Variants in SNX29 observed in about 807,000 individuals in gnomAD.
The protein encoded by SNX29 is sorting nexin-29.
SNX29 carries 78 observed loss-of-function variants against 102.1 expected under a neutral mutation model. That is an observed-to-expected ratio of 0.76 (90% CI 0.64 to 0.92). The LOEUF is 0.92. Ranked by LOEUF, SNX29 falls within the 40% of genes least tolerant of loss-of-function variation. The probability of loss-of-function intolerance (pLI) is 0.00; values close to 1 mark genes in which losing one functional copy is unlikely to be tolerated. For synonymous variants in SNX29, 580 were observed against 414.5 expected (o/e 1.40, Z -4.85); for missense variants, 1,280 against 1,061.7 (o/e 1.21, Z -2.86).
In SNX29 at chr16:12,236,020, ACT is replaced by A. The variant is rs370949667; in HGVS notation, c.1678+36342_1678+36343del. Among the ~76,000 whole-genome samples, 29 of 151,582 alleles carry A rather than the reference ACT, an allele frequency of 1.9e-4. No homozygotes were observed. In the East Asian group the frequency reaches 4.7e-3, roughly 24 times the overall value. On this transcript the variant is annotated intron_variant, in intron 14 of 20. Transcript: ENST00000566228. Reference sequence around the variant, plus strand: ...GGGGACGGAATAAATGTTATTTAAAACTCTCTGTTTCCTTCCTGTCCTCTCTG... The same window carrying A: ...GGGGACGGAATAAATGTTATTTAAAACTCTGTTTCCTTCCTGTCCTCTCTG...
intron 18 of SNX29, among the ~76,000 whole-genome samples, chr16:12,405,904 C>T (rs1249898596): frequency 3.3e-5 from 5 of 151,938 alleles, no homozygotes; most frequent in East Asian, 1.9e-4. Context: ...TGGTGGTGGG[C>T]GCCTGTAATC....
intron 20 of SNX29, among the ~76,000 whole-genome samples, chr16:12,538,607 C>T (rs538299851): frequency 2.0e-5 from 3 of 152,208 alleles, no homozygotes; most frequent in South Asian, 2.1e-4. Flanking sequence ...TAGGTGGATG[C>T]AGGAGGGCCT....
At chr16:12,533,006 C>G (rs892770711) in intron 20 of SNX29, among the ~76,000 whole-genome samples, 2 of 152,224 alleles carry the variant, frequency 1.3e-5, no homozygotes, top group African/African-American at 4.8e-5. Context: ...AGCCCCTCGT[C>G]TGTGGGGAGA....
intron 18 of SNX29, 41 bp from the exon 19 acceptor site, chr16:12,477,678 T>A: frequency 3.8e-6 from 6 of 1,597,818 alleles, no homozygotes; most frequent in Non-Finnish European, 5.1e-6. Context: ...TCCTTTATAA[T>A]AAGGGTTTAA....
intron 14 of SNX29, among the ~76,000 whole-genome samples, chr16:12,215,258 G>A (rs2077290458): frequency 6.6e-6 from 1 of 151,776 alleles, no homozygotes; most frequent in South Asian, 2.1e-4. Context: ...ACTTTGAGAG[G>A]CTGAGGTAGG....
intron 19 of SNX29, among the ~76,000 whole-genome samples, chr16:12,487,323 C>G (rs899706956): frequency 6.6e-6 from 1 of 152,180 alleles, no homozygotes; most frequent in African/African-American, 2.4e-5. Context: ...CGCCGAAAAC[C>G]TCAAAGCCAG....
At chr16:12,040,591 G>C (rs1023255519) in intron 4 of SNX29, among the ~76,000 whole-genome samples, 45 of 152,126 alleles carry the variant, frequency 3.0e-4, no homozygotes, top group African/African-American at 9.7e-4. Context: ...AACTAGGAAT[G>C]AGGACAATTA....
intron 4 of SNX29, among the ~76,000 whole-genome samples, chr16:12,041,813 A>G (rs1365770757): frequency 1.3e-5 from 2 of 152,230 alleles, no homozygotes; most frequent in African/African-American, 4.8e-5. Flanking sequence ...CTTTTACTAT[A>G]TAAGGTAATA....
chr16:12,506,945 C>G (rs566933405), intron 19 of SNX29, among the ~76,000 whole-genome samples: 3 of 152,302 alleles, frequency 2.0e-5, no homozygotes, highest in South Asian at 4.1e-4. Context: ...GTTTGTCTGA[C>G]AAAGCTCTGA....
chr16:12,567,842 C>T lies in SNX29; in HGVS notation c.2319-664C>T, dbSNP rs189177493. On this transcript the variant is annotated intron_variant, in intron 20 of 20. Transcript: ENST00000566228. ...CCTCTGCTCTCACGGTGAAGCCTCC[C>T]AGCCTCTACCCTATCCCCTAAAAAA... Among the ~76,000 whole-genome samples, 117 of 152,288 alleles carry T rather than the reference C, an allele frequency of 7.7e-4. 1 individual carries two copies. In the East Asian group the frequency reaches 0.015, roughly 20 times the overall value.
chr16:12,188,734 A>C (rs1329285570), intron 13 of SNX29, among the ~76,000 whole-genome samples: 1 of 152,172 alleles, frequency 6.6e-6, no homozygotes, highest in African/African-American at 2.4e-5. Context: ...AAATCAAACA[A>C]GCTTTTTACA....
Position 12,572,573 on chromosome 16 carries a change from C to T in SNX29, c.*3944C>T. On this transcript the variant is annotated 3_prime_UTR_variant, in exon 21 of 21. Coordinates refer to ENST00000566228, the MANE Select transcript of SNX29 (RefSeq NM_032167.5). The stretch of plus-strand genomic sequence containing the variant: ...TCTGGCTCCTCACAGGGAGGTCCAG[C>T]CATGTTCTCTGGGCTCCCAGTGAGC... 1.9e-6 allele frequency: 2 copies of T among 1,064,154 alleles called. No individual in the cohort carries two copies. Among genetic ancestry groups the T allele is most frequent in the Non-Finnish European group, 2.3e-6 (2 of 878,494 alleles). The allele number at this position is 1,064,154 out of a possible 1,614,324, so 65.9% of individuals were successfully genotyped here. A position where few individuals can be genotyped will look rare whatever the true frequency, so the allele number is the denominator to read the frequency against.
At chr16:12,525,177 A>C (rs943810106) in intron 20 of SNX29, among the ~76,000 whole-genome samples, 3 of 152,154 alleles carry the variant, frequency 2.0e-5, no homozygotes, top group Non-Finnish European at 2.9e-5. Flanking sequence ...AAACTGAAAC[A>C]AATTGTGTCA....
At chr16:12,266,586 T>C (rs953034670) in intron 14 of SNX29, among the ~76,000 whole-genome samples, 1 of 151,454 alleles carries the variant, frequency 6.6e-6, no homozygotes, top group Non-Finnish European at 1.5e-5. Context: ...TTTGCTATTA[T>C]GAATTATAGT....
At chr16:12,132,101 CTT>C (rs36096248) in intron 13 of SNX29, among the ~76,000 whole-genome samples, 12 of 142,884 alleles carry the variant, frequency 8.4e-5, no homozygotes, top group Admixed American at 7.0e-5. Flanking sequence ...TATGCCCTGT[CTT>C]TTTTTTTTTT....
At chr16:12,176,707 G>A (rs1193434865) in intron 13 of SNX29, among the ~76,000 whole-genome samples, 2 of 152,152 alleles carry the variant, frequency 1.3e-5, no homozygotes, top group Non-Finnish European at 2.9e-5. Context: ...TGTGAGGTGG[G>A]TCCTGGAGCC....
At chr16:12,509,517 C>T (rs971531640) in intron 19 of SNX29, among the ~76,000 whole-genome samples, 2 of 152,328 alleles carry the variant, frequency 1.3e-5, no homozygotes, top group African/African-American at 4.8e-5. Context: ...CATGTCGGAA[C>T]CCCGTATCCT....
chr16:12,022,517 A>G (rs1007932348), intron 3 of SNX29, among the ~76,000 whole-genome samples: 1 of 152,118 alleles, frequency 6.6e-6, no homozygotes, highest in African/African-American at 2.4e-5. Flanking sequence ...TGTGCTTTTT[A>G]ATAAATTTAT....
chr16:12,407,827 A>G (rs1352448687), intron 18 of SNX29, among the ~76,000 whole-genome samples: 5 of 152,204 alleles, frequency 3.3e-5, no homozygotes, highest in Admixed American at 2.0e-4. Context: ...TAAAAATCCT[A>G]AAAGCAGCTG....
Sources: allele counts gnomAD v4.1 joint callset (sites outside exome capture counted in the v4.1 genomes callset), GRCh38; gene constraint gnomAD v4.1.1; transcripts MANE v1.5; gene names NCBI Gene and HGNC (gene_info 2026-07-23, HGNC 2026-07-21).